The following STXBP5L variants were observed in gnomAD, a reference collection of about 807,000 sequenced individuals.
STXBP5L encodes syntaxin-binding protein 5-like.
Under a neutral mutation model 144.5 loss-of-function variants are expected in STXBP5L, and 65 were observed. The observed-to-expected ratio is 0.45, with a 90% CI of 0.37 to 0.55. The LOEUF (loss-of-function observed/expected upper bound fraction) is 0.55. Ranked by LOEUF, STXBP5L falls within the 20% of genes least tolerant of loss-of-function variation. The probability of loss-of-function intolerance (pLI) is 0.00; values close to 1 mark genes in which losing one functional copy is unlikely to be tolerated. For missense variants in STXBP5L, 1,298 were observed against 1,405.5 expected, an observed-to-expected ratio of 0.92 and a Z score of 1.22; for synonymous variants, 505 against 469.6, an observed-to-expected ratio of 1.08 and a Z score of -0.97.
intron 9 of STXBP5L, among the ~76,000 whole-genome samples, chr3:121,196,689 G>T (rs1004405327): frequency 4.6e-5 from 7 of 151,864 alleles, no homozygotes; most frequent in South Asian, 4.2e-4. Flanking sequence ...TTGAGACAGG[G>T]TCCCATTCTG....
At chr3:120,949,239 T>C in intron 2 of STXBP5L, among the ~76,000 whole-genome samples, 1 of 151,934 alleles carries the variant, frequency 6.6e-6, no homozygotes, top group East Asian at 1.9e-4. Context: ...CTTTGCCCAA[T>C]TTTTCATGGG....
chr3:120,971,685 A>G (rs961203045), intron 3 of STXBP5L, among the ~76,000 whole-genome samples: 3 of 151,454 alleles, frequency 2.0e-5, no homozygotes, highest in African/African-American at 7.3e-5. Context: ...CTATATACAC[A>G]CATATATAAG....
At chr3:121,380,304 A>G (rs527461821) in intron 21 of STXBP5L, among the ~76,000 whole-genome samples, 3 of 152,276 alleles carry the variant, frequency 2.0e-5, no homozygotes, top group African/African-American at 7.2e-5. Flanking sequence ...TAAATTTGCT[A>G]AGAGATAAAA....
intron 22 of STXBP5L, 53 bp downstream of exon 22, chr3:121,381,585 A>G: frequency 6.4e-7 from 1 of 1,562,934 alleles, no homozygotes; most frequent in South Asian, 1.2e-5. Context: ...AAATTTAGAT[A>G]TAAGGTATTA....
At chr3:121,094,475 AT>A (rs942353695) in intron 5 of STXBP5L, among the ~76,000 whole-genome samples, 94 of 152,158 alleles carry the variant, frequency 6.2e-4, no homozygotes, top group Middle Eastern at 3.4e-3. Context: ...GTGCATATAT[AT>A]TTAGGATAGT....
intron 11 of STXBP5L, among the ~76,000 whole-genome samples, chr3:121,231,929 C>T (rs2049322717): frequency 6.6e-6 from 1 of 152,162 alleles, no homozygotes; most frequent in African/African-American, 2.4e-5. Flanking sequence ...GAGTTTGATC[C>T]ACTCAAAGGG....
At chr3:121,289,150 A>G (rs2051332097) in intron 19 of STXBP5L, among the ~76,000 whole-genome samples, 1 of 152,178 alleles carries the variant, frequency 6.6e-6, no homozygotes, top group South Asian at 2.1e-4. Flanking sequence ...CTTAAGGTAA[A>G]GGAGTAGAAA....
chr3:120,927,245 A>G (rs933557894), intron 2 of STXBP5L, among the ~76,000 whole-genome samples: 1 of 152,076 alleles, frequency 6.6e-6, no homozygotes, highest in Non-Finnish European at 1.5e-5. Context: ...AATTTTTCTG[A>G]TAAATTTCTT....
At chr3:121,222,296 C>G (rs1475374026) in intron 10 of STXBP5L, among the ~76,000 whole-genome samples, 5 of 152,024 alleles carry the variant, frequency 3.3e-5, no homozygotes, top group Non-Finnish European at 5.9e-5. Flanking sequence ...GGAATCTTAA[C>G]CCCACTCTAT....
At chr3:120,987,472 T>C (rs1942396080) in intron 3 of STXBP5L, among the ~76,000 whole-genome samples, 1 of 151,942 alleles carries the variant, frequency 6.6e-6, no homozygotes, top group South Asian at 2.1e-4. Flanking sequence ...TATTTCTTTT[T>C]TGTAAAGTTG....
chr3:120,956,053 G>T (rs1027739673), intron 3 of STXBP5L, among the ~76,000 whole-genome samples: 1 of 151,498 alleles, frequency 6.6e-6, no homozygotes, highest in Non-Finnish European at 1.5e-5. Context: ...AAAGAAATTT[G>T]ACTTGTTTCT....
At chr3:120,982,902 T>G (rs1207385401) in intron 3 of STXBP5L, among the ~76,000 whole-genome samples, 1 of 152,102 alleles carries the variant, frequency 6.6e-6, no homozygotes, top group African/African-American at 2.4e-5. Context: ...TGTCCTCAGG[T>G]CCCTAGGGTT....
chr3:121,167,095 TAAAGAGAAACAAGGAAGC>T (rs1398541273), intron 9 of STXBP5L, among the ~76,000 whole-genome samples: 4 of 152,146 alleles, frequency 2.6e-5, no homozygotes, highest in Admixed American at 2.6e-4. Flanking sequence ...GTCCAAGTGG[TAAAGAGAAACAAGGAAGC>T]AAGCATTGAA....
chr3:121,263,998 A>G (rs776403871), intron 18 of STXBP5L, among the ~76,000 whole-genome samples: 2 of 152,214 alleles, frequency 1.3e-5, no homozygotes, highest in African/African-American at 2.4e-5. Context: ...AAACCACAAG[A>G]CACATACTTG....
chr3:121,086,168 G>T (rs2042482084), intron 5 of STXBP5L, among the ~76,000 whole-genome samples: 1 of 151,992 alleles, frequency 6.6e-6, no homozygotes, highest in African/African-American at 2.4e-5. Context: ...AACCCAAGAT[G>T]GATTAAAGAC....
rs2047280600 is a variant in STXBP5L, at chr3:121,184,304, G to GT, written c.878-21617dup. The stretch of plus-strand genomic sequence containing the variant: ...GCATGTTCTAACCCAATGTAAGGAA[G>GT]TTAAGAACCTTGAAAAAAGTTAGAG... On this transcript the variant is annotated intron_variant, in intron 9 of 26. Coordinates refer to ENST00000471454, the MANE Select transcript of STXBP5L (RefSeq NM_001308330.2). 4.8e-5 allele frequency among the ~76,000 whole-genome samples: 5 copies of GT among 103,180 alleles called. No individual in the cohort carries two copies. In the South Asian group the frequency reaches 2.2e-3, roughly 44 times the overall value. 67.7% of individuals were successfully genotyped at this position (103,180 alleles called of 152,430 possible).
At chr3:121,339,966 A>G (rs2044647346) in intron 20 of STXBP5L, among the ~76,000 whole-genome samples, 1 of 152,180 alleles carries the variant, frequency 6.6e-6, no homozygotes, top group African/African-American at 2.4e-5. Flanking sequence ...GTATCACACA[A>G]ATGATCATAT....
At chr3:121,049,709 C>T (rs1207543649) in intron 5 of STXBP5L, 1 of 154,144 alleles carries the variant, frequency 6.5e-6, no homozygotes, top group Non-Finnish European at 1.5e-5. Context: ...ATAAGGTCTA[C>T]TGGGCCTAGT....
intron 20 of STXBP5L, among the ~76,000 whole-genome samples, chr3:121,323,979 C>A (rs990995800): frequency 2.0e-5 from 3 of 152,046 alleles, no homozygotes; most frequent in African/African-American, 7.2e-5. Flanking sequence ...GAATGTATGC[C>A]TTTTTTCTAA....
Sources: gnomAD v4.1 joint callset for allele counts (sites outside exome capture counted in the v4.1 genomes callset) on GRCh38, gnomAD v4.1.1 for gene constraint, MANE v1.5 for transcripts, NCBI Gene and HGNC (gene_info 2026-07-23, HGNC 2026-07-21) for gene names.